Variants in ANKRD26 observed in about 807,000 individuals in gnomAD.
ANKRD26 encodes the protein ankyrin repeat domain-containing protein 26.
A neutral mutation model predicts 208.7 loss-of-function variants in ANKRD26; 141 were observed. That is an observed-to-expected ratio of 0.68 (90% confidence interval 0.59 to 0.78). The LOEUF is 0.78. Ranked by LOEUF, ANKRD26 falls within the 30% of genes least tolerant of loss-of-function variation. The probability of loss-of-function intolerance (pLI) is 0.00; values close to 1 mark genes in which losing one functional copy is unlikely to be tolerated. For missense variants in ANKRD26, 1,889 were observed against 1,938.7 expected, an observed-to-expected ratio of 0.97 and a Z score of 0.48; for synonymous variants, 636 against 660.4, an observed-to-expected ratio of 0.96 and a Z score of 0.57.
At chr10:27,030,421 A>G in intron 25 of ANKRD26, 9 of 985,456 alleles carry the variant, frequency 9.1e-6, no homozygotes, top group Non-Finnish European at 1.1e-5. Context: ...GACTGAAAAC[A>G]CTGGACTCTG....
intron 6 of ANKRD26, chr10:27,079,881 G>C (rs2055838897): frequency 6.2e-6 from 1 of 161,250 alleles, no homozygotes; most frequent in Non-Finnish European, 1.4e-5. Flanking sequence ...AAATAGGCTG[G>C]GCACGGTGGC....
At chr10:27,068,856 A>G (rs1352644607) in intron 9 of ANKRD26, among the ~76,000 whole-genome samples, 3 of 149,898 alleles carry the variant, frequency 2.0e-5, no homozygotes, top group Non-Finnish European at 4.4e-5. Context: ...TTCTTTGGGC[A>G]TCCTAAAAAA....
At chr10:27,014,412 A>T in intron 31 of ANKRD26, 82 bp downstream of exon 31, 1 of 1,088,246 alleles carries the variant, frequency 9.2e-7, no homozygotes, top group Non-Finnish European at 1.3e-6. Context: ...ACTTCCCATT[A>T]ATCTCATGAA....
chr10:27,080,902 A>T, intron 6 of ANKRD26: 1 of 985,328 alleles, frequency 1.0e-6, no homozygotes, highest in Non-Finnish European at 1.2e-6. Context: ...CCTACCCTAC[A>T]TGTCCATGAG....
intron 5 of ANKRD26, among the ~76,000 whole-genome samples, chr10:27,086,307 ATAAT>A (rs1224752006): frequency 5.3e-5 from 8 of 152,322 alleles, no homozygotes; most frequent in African/African-American, 1.9e-4. Flanking sequence ...TTTAGGGATG[ATAAT>A]TAAGTAAATG....
chr10:26,966,316 A>G, the ANKRD26 span, among the ~76,000 whole-genome samples: 1 of 152,236 alleles, frequency 6.6e-6, no homozygotes, highest in Non-Finnish European at 1.5e-5. Context: ...AAGGAATGAG[A>G]TCATGTCCTT....
Position 27,077,289 on chromosome 10 carries a change from TG to T in ANKRD26, c.1077+48del, listed in dbSNP as rs904598547. ...ATAGATGCATCATTATGAGGATTGT[TG>T]GGGCAGGGGAAGGGTACATGAAAAA... On this transcript the variant is annotated intron_variant, in intron 9 of 33. Coordinates refer to ENST00000376087, the MANE Select transcript of ANKRD26 (RefSeq NM_014915.3). 7 of 1,447,122 alleles carry T rather than the reference TG, an allele frequency of 4.8e-6. No homozygotes were observed. In the African/African-American group the frequency reaches 9.8e-5, roughly 20 times the overall value. The allele number at this position is 1,447,122 out of a possible 1,614,324, so 89.6% of individuals were successfully genotyped here.
At chr10:26,962,778 T>C in the ANKRD26 span, among the ~76,000 whole-genome samples, 1 of 152,038 alleles carries the variant, frequency 6.6e-6, no homozygotes, top group Non-Finnish European at 1.5e-5. Context: ...AAAAGCTGTG[T>C]ATGGAACAAC....
At chr10:27,027,407 A>G (rs2053697679) in intron 27 of ANKRD26, among the ~76,000 whole-genome samples, 2 of 152,258 alleles carry the variant, frequency 1.3e-5, no homozygotes, top group Admixed American at 6.5e-5. Context: ...CAAATTTCTT[A>G]GAATTTCAAA....
the ANKRD26 span, among the ~76,000 whole-genome samples, chr10:26,955,593 T>C: frequency 2.0e-5 from 3 of 152,314 alleles, no homozygotes; most frequent in African/African-American, 4.8e-5. Context: ...TATTAAACTT[T>C]TTCCATTTCC....
intron 25 of ANKRD26, among the ~76,000 whole-genome samples, chr10:27,031,012 C>G (rs1394141750): frequency 6.6e-6 from 1 of 152,098 alleles, no homozygotes; most frequent in Non-Finnish European, 1.5e-5. Context: ...TCTACACAGA[C>G]TAGACAAAGA....
chr10:26,962,690 G>A, the ANKRD26 span, among the ~76,000 whole-genome samples: 3 of 152,326 alleles, frequency 2.0e-5, no homozygotes, highest in South Asian at 6.2e-4. Context: ...CAAGGTTGCA[G>A]TGAGCTGTGA....
At chr10:27,070,101 T>TAAAA (rs34493349) in intron 9 of ANKRD26, among the ~76,000 whole-genome samples, 2 of 109,116 alleles carry the variant, frequency 1.8e-5, no homozygotes, top group African/African-American at 3.6e-5. Flanking sequence ...ACTCTGTATT[T>TAAAA]AAAAAAAAAA....
intron 28 of ANKRD26, among the ~76,000 whole-genome samples, chr10:27,023,598 A>G (rs1388429397): frequency 6.6e-6 from 1 of 152,182 alleles, no homozygotes; most frequent in East Asian, 1.9e-4. Context: ...AGCATGTATA[A>G]AGACACAAAG....
rs534641250 is a variant in ANKRD26 at position 27,070,408 on chromosome 10, A to G, written c.1078-3122T>C. On this transcript the variant is annotated intron_variant, in intron 9 of 33. Transcript: ENST00000376087. ...GAGCAAGACTCCGTCTCAAAAAACA[A>G]AAGAAAAGAAAGCTATGATTATCCA... 2.0e-5 allele frequency among the ~76,000 whole-genome samples: 3 copies of G among 152,292 alleles called. No homozygotes were observed. In the South Asian group the frequency reaches 6.2e-4, roughly 32 times the overall value.
Position 27,035,080 on chromosome 10 carries a change from T to C in ANKRD26, c.3370A>G (p.Lys1124Glu), listed in dbSNP as rs1169289014. 2 of 1,613,332 alleles carry C rather than the reference T, an allele frequency of 1.2e-6. No individual in the cohort carries two copies. The highest frequency in any genetic ancestry group is 2.2e-5 in the East Asian group (1 of 44,858). The change falls in exon 24 of 34, where the codon AAA becomes GAA. Residue 1124 changes from lysine to glutamate, a missense_variant. By Grantham distance (56) the Lys-to-Glu change is moderately conservative (BLOSUM62 1). Coordinates refer to ENST00000376087, the MANE Select transcript of ANKRD26 (RefSeq NM_014915.3). ...ACAGACTCCTGCTTTCCAATGTATT[T>C]ATTCACTTTAACTTGTTCATTTTGA... Reference protein sequence around the residue: ...KYQNEQVKVNKYIGKQESVEE... With the variant: ...KYQNEQVKVNEYIGKQESVEE...
chr10:27,051,571 G>T (rs929533263), intron 16 of ANKRD26: 11 of 984,842 alleles, frequency 1.1e-5, no homozygotes, highest in Non-Finnish European at 1.3e-5. Flanking sequence ...TTAAAAACAT[G>T]TTCAGTGTCT....
chr10:27,046,032 T>C (rs971250168), intron 18 of ANKRD26: 2 of 249,446 alleles, frequency 8.0e-6, no homozygotes, highest in Non-Finnish European at 1.6e-5. Context: ...AAATAAACTC[T>C]AAAAGCTTGC....
chr10:26,990,124 C>T (rs1297858157), downstream of ANKRD26, among the ~76,000 whole-genome samples: 2 of 152,096 alleles, frequency 1.3e-5, no homozygotes, highest in Non-Finnish European at 2.9e-5. Context: ...ATCCTAGTTC[C>T]CAGGTGCACT....
Sources: allele counts gnomAD v4.1 joint callset (sites outside exome capture counted in the v4.1 genomes callset), GRCh38; gene constraint gnomAD v4.1.1; transcripts MANE v1.5; gene names NCBI Gene and HGNC (gene_info 2026-07-23, HGNC 2026-07-21).